ST8SIA1: variants seen among roughly 807,000 people sequenced by gnomAD.
ST8SIA1 encodes alpha-N-acetylneuraminide alpha-2,8-sialyltransferase.
In ST8SIA1, 16 loss-of-function variants were observed where a neutral mutation model predicts 35.9. The observed-to-expected ratio is 0.45, with a 90% CI of 0.30 to 0.68. The LOEUF is 0.68. Ranked by LOEUF, ST8SIA1 falls within the 30% of genes least tolerant of loss-of-function variation. ST8SIA1 has a pLI of 0.09. For synonymous variants in ST8SIA1, 170 were observed against 169.6 expected (o/e 1.00, Z -0.02); for missense variants, 383 against 453.6 (o/e 0.84, Z 1.41).
intron 4 of ST8SIA1, among the ~76,000 whole-genome samples, chr12:22,218,227 G>C (rs1865255398): frequency 6.6e-6 from 1 of 152,092 alleles, no homozygotes. Context: ...AGGAGGCTGA[G>C]ACACAAGAAT....
chr12:22,268,002 G>A (rs1865866764), intron 2 of ST8SIA1, among the ~76,000 whole-genome samples: 1 of 152,118 alleles, frequency 6.6e-6, no homozygotes, highest in African/African-American at 2.4e-5. Context: ...AGACATTCTA[G>A]GCCCTTAGCA....
chr12:22,245,672 G>C (rs1591833470), intron 4 of ST8SIA1, among the ~76,000 whole-genome samples: 1 of 152,288 alleles, frequency 6.6e-6, no homozygotes, highest in Non-Finnish European at 1.5e-5. Context: ...TGCATCTTAA[G>C]GAGTTGACTG....
At chr12:22,306,310 T>C (rs1197121389) in intron 1 of ST8SIA1, among the ~76,000 whole-genome samples, 1 of 152,208 alleles carries the variant, frequency 6.6e-6, no homozygotes, top group African/African-American at 2.4e-5. Context: ...CTTTCTAAGT[T>C]AACTGAGACC....
At chr12:22,235,066 G>C in intron 4 of ST8SIA1, among the ~76,000 whole-genome samples, 1 of 152,160 alleles carries the variant, frequency 6.6e-6, no homozygotes, top group Non-Finnish European at 1.5e-5. Context: ...TTGTGTGTGT[G>C]CGCAGGGTGT....
At chr12:22,320,926 G>GAAGAAAGAAAGAAAGA in intron 1 of ST8SIA1, among the ~76,000 whole-genome samples, 1 of 71,800 alleles carries the variant, frequency 1.4e-5, no homozygotes, top group South Asian at 7.4e-4. Flanking sequence ...GGAAAGAAAG[G>GAAGAAAGAAAGAAAGA]AAGAAAGAAA....
At chr12:22,272,241 G>C (rs997940441) in intron 2 of ST8SIA1, among the ~76,000 whole-genome samples, 2 of 152,146 alleles carry the variant, frequency 1.3e-5, no homozygotes, top group African/African-American at 2.4e-5. Context: ...AGAGCACTTT[G>C]CTACTTGTTT....
At chr12:22,214,961 T>C (rs1389761285) in intron 4 of ST8SIA1, among the ~76,000 whole-genome samples, 1 of 152,182 alleles carries the variant, frequency 6.6e-6, no homozygotes, top group Non-Finnish European at 1.5e-5. Context: ...GCCTGACACT[T>C]GATTCTATGC....
chr12:22,312,154 G>A lies in ST8SIA1; in HGVS notation c.236+21843C>T, dbSNP rs552098550. Reference sequence around the variant, plus strand: ...AACCCTCCCTCTCCTCTAAATAAACGTATAAACTAACCAGCTGTTAAAATC... The same window carrying A: ...AACCCTCCCTCTCCTCTAAATAAACATATAAACTAACCAGCTGTTAAAATC... On this transcript the variant is annotated intron_variant, in intron 1 of 4. Coordinates refer to ENST00000396037, the MANE Select transcript of ST8SIA1 (RefSeq NM_003034.4). Among the ~76,000 whole-genome samples, 6 of 152,006 alleles carry A rather than the reference G, an allele frequency of 3.9e-5. No individual in the cohort carries two copies. In the South Asian group the frequency reaches 6.2e-4, roughly 16 times the overall value.
chr12:22,228,265 C>A (rs1475809508), intron 4 of ST8SIA1, among the ~76,000 whole-genome samples: 12 of 152,204 alleles, frequency 7.9e-5, no homozygotes, highest in Non-Finnish European at 1.5e-4. Context: ...ACAGTCTTTT[C>A]CCATCTTCTT....
intron 1 of ST8SIA1, among the ~76,000 whole-genome samples, chr12:22,302,463 T>A: frequency 6.6e-6 from 1 of 152,156 alleles, no homozygotes; most frequent in East Asian, 1.9e-4. Context: ...TGTTATTGTT[T>A]TTCTCCCTTC....
chr12:22,320,611 G>A (rs972198947), intron 1 of ST8SIA1, among the ~76,000 whole-genome samples: 6 of 152,090 alleles, frequency 3.9e-5, no homozygotes, highest in Non-Finnish European at 7.4e-5. Context: ...TTGTGAGGCC[G>A]AGGCGGGAGG....
intron 1 of ST8SIA1, among the ~76,000 whole-genome samples, chr12:22,309,552 A>G (rs994376551): frequency 3.3e-5 from 5 of 152,164 alleles, no homozygotes; most frequent in South Asian, 2.1e-4. Flanking sequence ...ATTAATATTC[A>G]TGAGTCTTTC....
chr12:22,211,451 C>T (rs1432583522), intron 4 of ST8SIA1, among the ~76,000 whole-genome samples: 1 of 152,192 alleles, frequency 6.6e-6, no homozygotes. Flanking sequence ...TGATTGCATG[C>T]TAACGATTGG....
intron 3 of ST8SIA1, 23 bp downstream of exon 3, chr12:22,255,257 G>C: frequency 1.3e-6 from 2 of 1,596,700 alleles, no homozygotes; most frequent in Non-Finnish European, 1.7e-6. Context: ...GGCAGAGGCC[G>C]CGCTGTGGGT....
At chr12:22,239,330 T>A (rs1332623110) in intron 4 of ST8SIA1, among the ~76,000 whole-genome samples, 1 of 152,206 alleles carries the variant, frequency 6.6e-6, no homozygotes, top group Non-Finnish European at 1.5e-5. Context: ...TTTAACATAC[T>A]CCTTCTCATT....
chr12:22,284,138 C>T (rs949054662), intron 2 of ST8SIA1, among the ~76,000 whole-genome samples: 1 of 152,048 alleles, frequency 6.6e-6, no homozygotes, highest in Non-Finnish European at 1.5e-5. Flanking sequence ...TGTACCAGAG[C>T]ATCTCCCTTC....
intron 4 of ST8SIA1, among the ~76,000 whole-genome samples, chr12:22,235,984 G>A (rs976087808): frequency 6.6e-5 from 10 of 152,012 alleles, no homozygotes; most frequent in Admixed American, 3.9e-4. Context: ...GAAATCTGAA[G>A]AGTCATAGAA....
rs1267436132 is a variant in ST8SIA1 at position 22,202,053 on chromosome 12, A to G, written c.585-15T>C. On this transcript the variant is annotated splice_polypyrimidine_tract_variant and intron_variant, in intron 4 of 4. Transcript: ENST00000396037. Reference sequence around the variant, plus strand: ...GGTTCTGAAACCTATTGAAGAAAAAAAAAACTGTTCAATTAAACCTAGAGA... The same window carrying G: ...GGTTCTGAAACCTATTGAAGAAAAAGAAAACTGTTCAATTAAACCTAGAGA... The G allele has an allele frequency of 6.4e-7, 1 of 1,551,124 alleles. No individual in the cohort carries two copies. The highest frequency in any genetic ancestry group is 2.2e-5 in the East Asian group (1 of 44,604).
chr12:22,287,659 G>A (rs1866118543), intron 1 of ST8SIA1, among the ~76,000 whole-genome samples: 2 of 152,090 alleles, frequency 1.3e-5, no homozygotes, highest in Non-Finnish European at 2.9e-5. Flanking sequence ...GGAGACTGTT[G>A]AGCTATTCAG....
Sources: allele counts gnomAD v4.1 joint callset (sites outside exome capture counted in the v4.1 genomes callset), GRCh38; gene constraint gnomAD v4.1.1; transcripts MANE v1.5; gene names NCBI Gene and HGNC (gene_info 2026-07-23, HGNC 2026-07-21).